NRXN3: variants seen among roughly 807,000 people sequenced by gnomAD.
The protein encoded by NRXN3 is neurexin III.
NRXN3 carries 32 observed loss-of-function variants against 137.6 expected under a neutral mutation model. The ratio of observed to expected loss-of-function variants is 0.23; its 90% CI spans 0.18 to 0.31. The LOEUF (loss-of-function observed/expected upper bound fraction) is 0.31, where lower values mean the gene tolerates loss of function less well. Ranked by LOEUF, NRXN3 falls within the 10% of genes least tolerant of loss-of-function variation. The pLI, the probability that NRXN3 is intolerant of heterozygous loss-of-function variation, is 1.00. For synonymous variants in NRXN3, 798 were observed against 784.5 expected (o/e 1.02, Z -0.29); for missense variants, 1,574 against 2,062.5 (o/e 0.76, Z 4.59).
chr14:79,743,975 T>C (rs2098971116), intron 19 of NRXN3, among the ~76,000 whole-genome samples: 1 of 152,230 alleles, frequency 6.6e-6, no homozygotes, highest in Admixed American at 6.5e-5. Context: ...AACCTATCAA[T>C]TTTATACTGA....
At chr14:79,292,391 G>A (rs1043736930) in intron 15 of NRXN3, among the ~76,000 whole-genome samples, 2 of 152,078 alleles carry the variant, frequency 1.3e-5, no homozygotes, top group Non-Finnish European at 2.9e-5. Context: ...TTTTTTTCAG[G>A]AAGTTTCTTT....
At chr14:79,550,014 G>A (rs750639999) in intron 16 of NRXN3, among the ~76,000 whole-genome samples, 53 of 152,088 alleles carry the variant, frequency 3.5e-4, no homozygotes, top group Non-Finnish European at 5.3e-4. Flanking sequence ...TCTGTCACCA[G>A]GCTGGAGTGC....
intron 1 of NRXN3, among the ~76,000 whole-genome samples, chr14:78,171,493 A>G (rs2058720070): frequency 6.6e-6 from 1 of 152,154 alleles, no homozygotes; most frequent in African/African-American, 2.4e-5. Flanking sequence ...TGGGTTTTGC[A>G]AGCTCTCAGT....
intron 5 of NRXN3, 95 bp from the exon 6 acceptor site, chr14:78,651,070 T>C (rs2097737289): frequency 1.7e-6 from 2 of 1,162,610 alleles, no homozygotes; most frequent in Admixed American, 4.6e-5. Flanking sequence ...AAAATCTTAA[T>C]GAAAGTGATG....
In NRXN3 at chr14:79,697,695, C is replaced by T; in HGVS notation, c.3772C>T (p.Leu1258Phe). The change falls in exon 19 of 21, where the codon CTC (leucine) becomes TTC (phenylalanine). Residue 1258 changes from leucine to phenylalanine, a missense_variant. Leu to Phe is a conservative substitution (Grantham distance 22). This residue lies in a region of NRXN3 where 133 missense variants were observed against 241.8 expected (regional missense o/e 0.55). Coordinates refer to ENST00000335750, the MANE Select transcript of NRXN3 (RefSeq NM_001330195.2). ...CATTGGTGGAAAGGACAAAGGACGC[C>T]TCTTCCAAGGCCAACTCTCTGGGCT... ...IAIGGKDKGR[L>F]FQGQLSGLYY... 2 of 1,613,048 alleles carry T rather than the reference C, an allele frequency of 1.2e-6. No homozygotes were observed. The highest frequency in any genetic ancestry group is 1.3e-5 in the African/African-American group (1 of 74,950).
At chr14:78,936,354 A>G (rs1157071912) in intron 10 of NRXN3, among the ~76,000 whole-genome samples, 1 of 152,222 alleles carries the variant, frequency 6.6e-6, no homozygotes, top group African/African-American at 2.4e-5. Context: ...CTCTTTTCAT[A>G]AATAACCATT....
intron 15 of NRXN3, among the ~76,000 whole-genome samples, chr14:79,273,373 GCCTGTAAT>G (rs1399456612): frequency 6.6e-6 from 1 of 151,238 alleles, no homozygotes; most frequent in African/African-American, 2.4e-5. Flanking sequence ...GGTGGCTCAC[GCCTGTAAT>G]CCCAGCACTT....
At chr14:79,203,382 A>G (rs1391421277) in intron 15 of NRXN3, among the ~76,000 whole-genome samples, 1 of 152,250 alleles carries the variant, frequency 6.6e-6, no homozygotes, top group African/African-American at 2.4e-5. Flanking sequence ...GTTTTGTGGC[A>G]TCAATAGATT....
chr14:79,509,534 T>C (rs1396281751), intron 16 of NRXN3, among the ~76,000 whole-genome samples: 2 of 122,650 alleles, frequency 1.6e-5, no homozygotes, highest in Non-Finnish European at 3.4e-5. Context: ...ATATATATAT[T>C]ATATATATGT....
intron 19 of NRXN3, among the ~76,000 whole-genome samples, chr14:79,782,193 C>A (rs796605215): frequency 7.9e-5 from 12 of 152,306 alleles, no homozygotes; most frequent in African/African-American, 2.9e-4. Context: ...GCTTTAATTA[C>A]AGGTTGACTA....
chr14:78,778,732 C>CTTTCTT (rs1567285328), intron 8 of NRXN3, among the ~76,000 whole-genome samples: 2 of 64,606 alleles, frequency 3.1e-5, no homozygotes, highest in South Asian at 5.2e-4. Flanking sequence ...CTTTCTTTCT[C>CTTTCTT]TCTCTCTTTC....
At chr14:79,649,410 A>G (rs1302507895) in intron 16 of NRXN3, among the ~76,000 whole-genome samples, 1 of 152,178 alleles carries the variant, frequency 6.6e-6, no homozygotes, top group African/African-American at 2.4e-5. Context: ...GGAAAATAAA[A>G]GATTTTATTT....
At chr14:78,965,036 T>C (rs2099414846) in intron 11 of NRXN3, among the ~76,000 whole-genome samples, 1 of 152,184 alleles carries the variant, frequency 6.6e-6, no homozygotes. Flanking sequence ...TCTCTTCATT[T>C]GGTAATTGTC....
chr14:79,459,469 G>T (rs2153600708), intron 15 of NRXN3, among the ~76,000 whole-genome samples: 1 of 152,128 alleles, frequency 6.6e-6, no homozygotes, highest in African/African-American at 2.4e-5. Context: ...ACCATGGGAA[G>T]ATACAGGGAG....
intron 15 of NRXN3, among the ~76,000 whole-genome samples, chr14:79,451,304 C>T (rs961699524): frequency 2.6e-5 from 4 of 152,126 alleles, no homozygotes; most frequent in Non-Finnish European, 4.4e-5. Context: ...GTAGTGGCAT[C>T]GCTGACTGAA....
At chr14:79,713,876 T>G (rs995083838) in intron 19 of NRXN3, among the ~76,000 whole-genome samples, 1 of 152,032 alleles carries the variant, frequency 6.6e-6, no homozygotes, top group African/African-American at 2.4e-5. Context: ...TCACACCAGA[T>G]GCTTATATTT....
At chr14:79,067,986 T>A (rs1039031102) in intron 15 of NRXN3, among the ~76,000 whole-genome samples, 1 of 152,026 alleles carries the variant, frequency 6.6e-6, no homozygotes, top group Non-Finnish European at 1.5e-5. Context: ...TGTTGAAGGA[T>A]TGGAATTTTG....
chr14:79,456,267 C>T (rs1219346435), intron 15 of NRXN3, among the ~76,000 whole-genome samples: 1 of 152,206 alleles, frequency 6.6e-6, no homozygotes, highest in Non-Finnish European at 1.5e-5. Context: ...ACCCAATCAT[C>T]ATGGTCATTC....
intron 7 of NRXN3, among the ~76,000 whole-genome samples, chr14:78,711,530 C>A (rs2098408446): frequency 6.7e-6 from 1 of 148,636 alleles, no homozygotes; most frequent in Non-Finnish European, 1.5e-5. Context: ...CAAACTCTAC[C>A]TTCCAGGTTC....
Sources: gnomAD v4.1 joint callset for allele counts (sites outside exome capture counted in the v4.1 genomes callset) on GRCh38, gnomAD v4.1.1 for gene constraint, gnomAD v4.1.1 regional missense constraint, MANE v1.5 for transcripts, NCBI Gene and HGNC (gene_info 2026-07-23, HGNC 2026-07-21) for gene names.